Variants in PTPRN2 observed in about 807,000 individuals in gnomAD.
PTPRN2 encodes the protein receptor-type tyrosine-protein phosphatase N2.
In PTPRN2, 74 loss-of-function variants were observed where a neutral mutation model predicts 118.8. The observed-to-expected ratio is 0.62, with a 90% CI of 0.52 to 0.76. The LOEUF is 0.76. Among genes scored for constraint, PTPRN2 ranks in the 30% least tolerant of loss-of-function variants. The pLI, the probability that PTPRN2 is intolerant of heterozygous loss-of-function variation, is 0.00. For synonymous variants in PTPRN2, 641 were observed against 608.0 expected, an observed-to-expected ratio of 1.05 and a Z score of -0.80; for missense variants, 1,481 against 1,394.4, an observed-to-expected ratio of 1.06 and a Z score of -0.99.
intron 11 of PTPRN2, among the ~76,000 whole-genome samples, chr7:157,924,689 G>A (rs1426380549): frequency 6.6e-6 from 1 of 152,274 alleles, no homozygotes; most frequent in South Asian, 2.1e-4. Context: ...GACTTGCCGA[G>A]TCAGCCAGGA....
chr7:157,658,173 T>G (rs1486579426), intron 13 of PTPRN2, among the ~76,000 whole-genome samples: 2 of 152,198 alleles, frequency 1.3e-5, no homozygotes, highest in Non-Finnish European at 2.9e-5. Flanking sequence ...TATCAGAATA[T>G]AAGCCACAGG....
rs1047290785 is a variant in PTPRN2 at position 157,656,431 on chromosome 7, G to A, written c.2122C>T (p.Arg708Cys). 21 of 1,553,716 alleles carry A rather than the reference G, an allele frequency of 1.4e-5. No individual in the cohort carries two copies. The East Asian group carries it at 1.7e-4, about 13-fold the overall frequency. The change falls in exon 14 of 23, where the codon CGC (arginine) becomes TGC (cysteine). Residue 708 changes from arginine to cysteine, a missense_variant. Physicochemically the swap from Arg to Cys is radical, Grantham distance 180 (BLOSUM62 -3). Transcript: ENST00000389418. ...SDGPIPSPSARSSASSWSEEP... is the reference protein window; with the variant it reads ...SDGPIPSPSACSSASSWSEEP... ...TCGGACCAGGATGAGGCGCTGCTGC[G>A]TGCGGAGGGGCTGGGGATCGGCCCG...
At chr7:158,130,574 C>T (rs563927279) in intron 9 of PTPRN2, among the ~76,000 whole-genome samples, 3 of 151,758 alleles carry the variant, frequency 2.0e-5, no homozygotes, top group East Asian at 3.9e-4. Context: ...CATATACACA[C>T]ATGCACATAT....
chr7:158,043,684 A>T (rs991986266), intron 11 of PTPRN2, among the ~76,000 whole-genome samples: 4 of 152,240 alleles, frequency 2.6e-5, no homozygotes, highest in Non-Finnish European at 5.9e-5. Context: ...TTGCCAGGAA[A>T]TGCAGCTTGA....
In PTPRN2 at chr7:157,611,701, G is replaced by A. The variant is rs917695358; in HGVS notation, c.2345-7626C>T. Among the ~76,000 whole-genome samples the A allele has an allele frequency of 6.6e-6, 1 of 152,146 alleles. No homozygotes were observed. Among genetic ancestry groups the A allele is most frequent in the Non-Finnish European group, 1.5e-5 (1 of 68,024 alleles). ...CACACGGGAGGGAGAGCGCCCGTGT[G>A]AAGACGAAGACAGCCGCGGTCATGC... On this transcript the variant is annotated intron_variant, in intron 15 of 22. Coordinates refer to ENST00000389418, the MANE Select transcript of PTPRN2 (RefSeq NM_002847.5). The surrounding 1 kb of genome is among the most constrained non-coding windows in gnomAD (Gnocchi z 5.9).
intron 12 of PTPRN2, among the ~76,000 whole-genome samples, chr7:157,855,524 T>C (rs1303029983): frequency 6.6e-6 from 1 of 152,096 alleles, no homozygotes; most frequent in Non-Finnish European, 1.5e-5. Flanking sequence ...TGGACAGTGG[T>C]TTGGGGATTC....
In PTPRN2 at chr7:157,648,380, C is replaced by G. The variant is rs530294193; in HGVS notation, c.2196+7977G>C. Among the ~76,000 whole-genome samples, 36 of 109,454 alleles carry G rather than the reference C, an allele frequency of 3.3e-4. 1 individual carries two copies. The highest frequency in any genetic ancestry group is 5.5e-4 in the Non-Finnish European group (29 of 53,126). 71.8% of individuals were successfully genotyped at this position (109,454 alleles called of 152,430 possible). ...GTGGGTCAGACCCATCCAGTGTGCACTGAACTCGGTGGGTCGGACCCATTC... is the reference window on the plus strand; with the variant it reads ...GTGGGTCAGACCCATCCAGTGTGCAGTGAACTCGGTGGGTCGGACCCATTC... On this transcript the variant is annotated intron_variant, in intron 14 of 22. Coordinates refer to ENST00000389418, the MANE Select transcript of PTPRN2 (RefSeq NM_002847.5).
intron 2 of PTPRN2, among the ~76,000 whole-genome samples, chr7:158,378,086 C>T (rs2151335943): frequency 6.6e-6 from 1 of 152,308 alleles, no homozygotes; most frequent in East Asian, 1.9e-4. Flanking sequence ...CGGGACTATA[C>T]ACCTCCTCCT....
chr7:158,520,914 G>A (rs563870550), intron 1 of PTPRN2, among the ~76,000 whole-genome samples: 15 of 152,268 alleles, frequency 9.9e-5, no homozygotes, highest in African/African-American at 1.4e-4. Context: ...ACATGGATAC[G>A]CTGGGCAAAC....
intron 11 of PTPRN2, among the ~76,000 whole-genome samples, chr7:158,054,056 G>T (rs1462279375): frequency 1.3e-5 from 2 of 151,534 alleles, no homozygotes; most frequent in Non-Finnish European, 2.9e-5. Context: ...GAGATGCAGA[G>T]ATCCTAGAGA....
intron 3 of PTPRN2, among the ~76,000 whole-genome samples, chr7:158,306,889 C>A (rs866806858): frequency 6.3e-4 from 76 of 121,398 alleles, no homozygotes; most frequent in African/African-American, 2.3e-3. Context: ...TTTTTTTAGA[C>A]AGAGTCTTGC....
At chr7:157,941,387 T>TGACACTGCAAATCTAACACCCTCC (rs1800108741) in intron 11 of PTPRN2, among the ~76,000 whole-genome samples, 1 of 74,280 alleles carries the variant, frequency 1.3e-5, no homozygotes, top group Non-Finnish European at 2.1e-5. Context: ...TAACACCCTC[T>TGACACTGCAAATCTAACACCCTCC]CAATCATGAC....
chr7:157,856,033 T>C (rs1809690100), intron 12 of PTPRN2: 1 of 152,264 alleles, frequency 6.6e-6, no homozygotes, highest in Admixed American at 6.5e-5. Context: ...GGAAGTCAGC[T>C]GTGCTGCTTA....
intron 2 of PTPRN2, among the ~76,000 whole-genome samples, chr7:158,431,702 A>G (rs957287653): frequency 2.0e-5 from 3 of 148,264 alleles, no homozygotes; most frequent in African/African-American, 7.6e-5. Context: ...ACACTGGCTC[A>G]CACTGGGCAC....
At chr7:158,152,445 G>T (rs1439937033) in intron 6 of PTPRN2, among the ~76,000 whole-genome samples, 1 of 152,194 alleles carries the variant, frequency 6.6e-6, no homozygotes. Context: ...TGGGTTGGAA[G>T]AACAGACAGG....
chr7:157,673,213 G>A lies in PTPRN2; in HGVS notation c.2001+9512C>T, dbSNP rs551347443. ...TAATTTTTGTATTTTTAATAGAGAC[G>A]GGGTTTCGCCATGTTGGCCAGGCTG... On this transcript the variant is annotated intron_variant, in intron 13 of 22. Transcript: ENST00000389418. Among the ~76,000 whole-genome samples, 21 of 152,212 alleles carry A rather than the reference G, an allele frequency of 1.4e-4. No individual in the cohort carries two copies. In the South Asian group the frequency reaches 2.3e-3, roughly 17 times the overall value.
chr7:158,272,478 CA>C (rs1798578950), intron 3 of PTPRN2, among the ~76,000 whole-genome samples: 1 of 152,114 alleles, frequency 6.6e-6, no homozygotes, highest in Non-Finnish European at 1.5e-5. Context: ...CATTACTTAC[CA>C]AAAACACTGA....
intron 11 of PTPRN2, 81 bp downstream of exon 11, chr7:158,081,217 G>A (rs1812793759): frequency 7.5e-7 from 1 of 1,337,524 alleles, no homozygotes; most frequent in South Asian, 1.2e-5. Flanking sequence ...CTCTGCCCTG[G>A]CTGTGCATGT....
At chr7:158,284,507 G>A (rs1016096799) in intron 3 of PTPRN2, among the ~76,000 whole-genome samples, 1 of 152,194 alleles carries the variant, frequency 6.6e-6, no homozygotes, top group Non-Finnish European at 1.5e-5. Flanking sequence ...TGCCACTCTG[G>A]TAATAGGAAG....
Sources: allele counts gnomAD v4.1 joint callset (sites outside exome capture counted in the v4.1 genomes callset), GRCh38; gene constraint gnomAD v4.1.1; non-coding constraint Gnocchi (gnomAD v3.1); transcripts MANE v1.5; gene names NCBI Gene and HGNC (gene_info 2026-07-23, HGNC 2026-07-21).